The following SLC22A23 variants were observed in gnomAD, a reference collection of about 807,000 sequenced individuals.
SLC22A23 encodes ion transporter protein.
Under a neutral mutation model 61.0 loss-of-function variants are expected in SLC22A23, and 26 were observed. That is an observed-to-expected ratio of 0.43 (90% CI 0.31 to 0.59). The LOEUF (loss-of-function observed/expected upper bound fraction) is 0.59, where lower values mean the gene tolerates loss of function less well. Ranked by LOEUF, SLC22A23 falls within the 20% of genes least tolerant of loss-of-function variation. The pLI, the probability that SLC22A23 is intolerant of heterozygous loss-of-function variation, is 0.11. For missense variants in SLC22A23, 796 were observed against 934.7 expected (o/e 0.85, Z 1.94); for synonymous variants, 430 against 413.9 (o/e 1.04, Z -0.47).
intron 3 of SLC22A23, among the ~76,000 whole-genome samples, chr6:3,355,269 A>C (rs1441332840): frequency 6.6e-6 from 1 of 152,030 alleles, no homozygotes; most frequent in Admixed American, 6.6e-5. Flanking sequence ...GATAACCACC[A>C]GTTTTCTCAT....
chr6:3,324,600 CAA>C lies in SLC22A23; in HGVS notation c.914-600_914-599del, dbSNP rs1763170387. Among the ~76,000 whole-genome samples, 1 of 152,160 alleles carries C rather than the reference CAA, an allele frequency of 6.6e-6. No homozygotes were observed. The highest frequency in any genetic ancestry group is 2.4e-5 in the African/African-American group (1 of 41,442). On this transcript the variant is annotated intron_variant, in intron 3 of 9. Coordinates refer to ENST00000406686, the MANE Select transcript of SLC22A23 (RefSeq NM_015482.2). The surrounding 1 kb of genome is among the most constrained non-coding windows in gnomAD (Gnocchi z 4.3). ...GCTAAGTCTCAGCTTATCTATTAAA[CAA>C]GACAAAAACCAACAATAAGGCTGAC...
chr6:3,440,629 C>T (rs1771528669), intron 1 of SLC22A23, among the ~76,000 whole-genome samples: 1 of 151,290 alleles, frequency 6.6e-6, no homozygotes, highest in Non-Finnish European at 1.5e-5. Flanking sequence ...ATAGTTTGAA[C>T]CCAGGAGGTG....
chr6:3,444,695 C>T (rs1771792507), intron 1 of SLC22A23: 1 of 699,558 alleles, frequency 1.4e-6, no homozygotes, highest in South Asian at 6.4e-5. Flanking sequence ...TCTCTGAGCC[C>T]TGTGGCCCGG....
chr6:3,444,919 C>A (rs910554638), intron 1 of SLC22A23: 34 of 985,470 alleles, frequency 3.5e-5, no homozygotes, highest in Non-Finnish European at 3.7e-5. Context: ...GCTCCTCCCC[C>A]CTCAAAGTGC....
At chr6:3,431,722 C>A (rs535418244) in intron 1 of SLC22A23, among the ~76,000 whole-genome samples, 13 of 152,230 alleles carry the variant, frequency 8.5e-5, no homozygotes, top group African/African-American at 2.6e-4. Context: ...TAGCTAGGGA[C>A]AATATGAGGC....
rs1767361904 is a variant in SLC22A23 at position 3,387,116 on chromosome 6, C to T, written c.913+23072G>A. On this transcript the variant is annotated intron_variant, in intron 3 of 9. Coordinates refer to ENST00000406686, the MANE Select transcript of SLC22A23 (RefSeq NM_015482.2). This position sits in a 1 kb window ranked among gnomAD's most constrained non-coding sequence, Gnocchi z 5.0. ...GTACCTAGCCACATGGATTATCTGC[C>T]CTTCATAGCTGTGAGTCCCTTTGCT... Among the ~76,000 whole-genome samples, 1 of 152,184 alleles carries T rather than the reference C, an allele frequency of 6.6e-6. No individual in the cohort carries two copies. Among genetic ancestry groups the T allele is most frequent in the South Asian group, 2.1e-4 (1 of 4,828 alleles).
intron 3 of SLC22A23, among the ~76,000 whole-genome samples, chr6:3,358,560 G>A (rs189865301): frequency 2.2e-4 from 34 of 152,166 alleles, no homozygotes; most frequent in Non-Finnish European, 3.5e-4. Flanking sequence ...GATGGTTGCC[G>A]GGGGTAGAGG....
intron 3 of SLC22A23, among the ~76,000 whole-genome samples, chr6:3,377,650 G>T (rs936253111): frequency 2.3e-4 from 28 of 122,724 alleles, no homozygotes; most frequent in Non-Finnish European, 1.7e-5. Flanking sequence ...CGCACTGAAC[G>T]TGTCTAGGCT....
chr6:3,419,485 C>G (rs990972684), intron 1 of SLC22A23, among the ~76,000 whole-genome samples: 3 of 152,170 alleles, frequency 2.0e-5, no homozygotes, highest in African/African-American at 7.2e-5. Context: ...CTGTGTGCAA[C>G]CTTGTTCGAA....
rs772082912 is a variant in SLC22A23, at chr6:3,283,988, CAGA to C, written c.1580-16_1580-14del. ...CTGTCACTCATCCCTGGGGGAAGGT[CAGA>C]AGAAGGTGGTGAGGGAAGAGAGGAA... On this transcript the variant is annotated splice_polypyrimidine_tract_variant and intron_variant, in intron 8 of 9. Transcript: ENST00000406686. 1 of 1,596,188 alleles carries C rather than the reference CAGA, an allele frequency of 6.3e-7. No homozygotes were observed. Among genetic ancestry groups the C allele is most frequent in the African/African-American group, 1.3e-5 (1 of 74,744 alleles).
At chr6:3,371,964 G>C (rs1383485906) in intron 3 of SLC22A23, among the ~76,000 whole-genome samples, 1 of 152,082 alleles carries the variant, frequency 6.6e-6, no homozygotes, top group Non-Finnish European at 1.5e-5. Context: ...GTGTTTTGGA[G>C]GATGCATCTT....
chr6:3,366,654 A>G (rs1049903455), intron 3 of SLC22A23, among the ~76,000 whole-genome samples: 1 of 152,164 alleles, frequency 6.6e-6, no homozygotes, highest in Non-Finnish European at 1.5e-5. Context: ...TATGCGATCT[A>G]TGTAATTGCT....
intron 1 of SLC22A23, among the ~76,000 whole-genome samples, chr6:3,446,225 T>C (rs1026375470): frequency 2.6e-5 from 4 of 152,134 alleles, no homozygotes; most frequent in African/African-American, 9.7e-5. Flanking sequence ...CCCTCTCCCA[T>C]GGTAAGGGCC....
chr6:3,402,432 C>CCCCAATCACCAAT, intron 3 of SLC22A23, among the ~76,000 whole-genome samples: 1 of 151,618 alleles, frequency 6.6e-6, no homozygotes, highest in Admixed American at 6.6e-5. Flanking sequence ...CAATCACCAA[C>CCCCAATCACCAAT]ACTACCCAGA....
At chr6:3,294,457 C>T (rs1262908656) in intron 5 of SLC22A23, among the ~76,000 whole-genome samples, 1 of 152,180 alleles carries the variant, frequency 6.6e-6, no homozygotes, top group African/African-American at 2.4e-5. Context: ...AAGTATCATA[C>T]AAATATCCCC....
intron 3 of SLC22A23, among the ~76,000 whole-genome samples, chr6:3,331,972 T>C (rs1763603572): frequency 6.6e-6 from 1 of 152,180 alleles, no homozygotes; most frequent in Non-Finnish European, 1.5e-5. Context: ...AAGTGACAAT[T>C]CCCAATCCTC....
At chr6:3,438,420 GCTGC>G in intron 1 of SLC22A23, 1 of 433,094 alleles carries the variant, frequency 2.3e-6, no homozygotes, top group Non-Finnish European at 4.6e-6. Context: ...CATCAGGCTT[GCTGC>G]CTGGGCCCCT....
At chr6:3,288,081 C>T (rs779983836) in intron 6 of SLC22A23, among the ~76,000 whole-genome samples, 5 of 152,272 alleles carry the variant, frequency 3.3e-5, no homozygotes, top group Admixed American at 6.5e-5. Flanking sequence ...GCTGGAAAAA[C>T]GTGTCTGCCC....
At chr6:3,291,867 T>C (rs1227447529) in intron 5 of SLC22A23, 1 of 152,198 alleles carries the variant, frequency 6.6e-6, no homozygotes, top group African/African-American at 2.4e-5. Context: ...TTAAAAAGTA[T>C]ATACCCCAAA....
Sources: allele counts gnomAD v4.1 joint callset (sites outside exome capture counted in the v4.1 genomes callset), GRCh38; gene constraint gnomAD v4.1.1; non-coding constraint Gnocchi (gnomAD v3.1); transcripts MANE v1.5; gene names NCBI Gene and HGNC (gene_info 2026-07-23, HGNC 2026-07-21).